The following PDE4B variants were observed in gnomAD, a reference collection of about 807,000 sequenced individuals.
PDE4B encodes phosphodiesterase 4B, also known as 3',5'-cyclic-AMP phosphodiesterase 4B.
PDE4B carries 20 observed loss-of-function variants against 82.2 expected under a neutral mutation model. The observed-to-expected ratio is 0.24, with a 90% CI of 0.17 to 0.35. PDE4B has a LOEUF of 0.35. Among genes scored for constraint, PDE4B ranks in the 10% least tolerant of loss-of-function variants. The pLI, the probability that PDE4B is intolerant of heterozygous loss-of-function variation, is 1.00. For synonymous variants in PDE4B, 320 were observed against 318.9 expected (o/e 1.00, Z -0.04); for missense variants, 655 against 907.2 (o/e 0.72, Z 3.57).
intron 16 of PDE4B, among the ~76,000 whole-genome samples, chr1:66,370,046 G>T (rs1468978540): frequency 1.3e-5 from 2 of 150,158 alleles, no homozygotes; most frequent in African/African-American, 4.9e-5. Flanking sequence ...AGCTACTCGG[G>T]AAGCTGAGAC....
intron 3 of PDE4B, among the ~76,000 whole-genome samples, chr1:66,086,016 T>C (rs1300068955): frequency 6.6e-6 from 1 of 152,120 alleles, no homozygotes; most frequent in African/African-American, 2.4e-5. Context: ...AATAAAATGC[T>C]ACCCAGGCTT....
chr1:65,826,618 T>C (rs1406268151), intron 1 of PDE4B, among the ~76,000 whole-genome samples: 2 of 152,098 alleles, frequency 1.3e-5, no homozygotes, highest in African/African-American at 2.4e-5. Flanking sequence ...TATGGACAAA[T>C]GCCTTAATCT....
chr1:66,145,281 G>A (rs1420210413), intron 3 of PDE4B, among the ~76,000 whole-genome samples: 2 of 152,276 alleles, frequency 1.3e-5, no homozygotes, highest in Non-Finnish European at 2.9e-5. Context: ...GCTCTCCAGT[G>A]CAGGCACCTA....
At chr1:66,257,940 C>A in intron 6 of PDE4B, 77 bp downstream of exon 6, 1 of 951,780 alleles carries the variant, frequency 1.1e-6, no homozygotes, top group Non-Finnish European at 1.7e-6. Flanking sequence ...TAAAAAAATA[C>A]AACTATTACA....
intron 3 of PDE4B, among the ~76,000 whole-genome samples, chr1:66,177,895 A>G (rs1329515261): frequency 6.6e-6 from 1 of 152,038 alleles, no homozygotes; most frequent in Admixed American, 6.6e-5. Flanking sequence ...TGTTTTTTTT[A>G]GTAAAAATCT....
At chr1:66,197,734 T>G (rs1435304492) in intron 3 of PDE4B, among the ~76,000 whole-genome samples, 2 of 152,080 alleles carry the variant, frequency 1.3e-5, no homozygotes, top group African/African-American at 4.8e-5. Context: ...TATTTAAGAC[T>G]TAAGGGTAAG....
chr1:65,981,902 G>C (rs1315086039), intron 3 of PDE4B, among the ~76,000 whole-genome samples: 1 of 152,086 alleles, frequency 6.6e-6, no homozygotes, highest in Admixed American at 6.6e-5. Context: ...AACTAACTCA[G>C]CTGATGCCTT....
At chr1:65,889,574 T>A (rs1004109451) in intron 1 of PDE4B, among the ~76,000 whole-genome samples, 1 of 152,170 alleles carries the variant, frequency 6.6e-6, no homozygotes, top group Non-Finnish European at 1.5e-5. Context: ...ATATGAAGTA[T>A]GTTTGGAATT....
chr1:66,162,948 C>G (rs1488448011), intron 3 of PDE4B, among the ~76,000 whole-genome samples: 2 of 152,116 alleles, frequency 1.3e-5, no homozygotes, highest in Non-Finnish European at 2.9e-5. Context: ...TACTTGAAGG[C>G]AAATAGTTCT....
At chr1:66,007,006 G>T (rs1652189155) in intron 3 of PDE4B, among the ~76,000 whole-genome samples, 1 of 152,094 alleles carries the variant, frequency 6.6e-6, no homozygotes, top group Non-Finnish European at 1.5e-5. Flanking sequence ...AGTGGCAAGT[G>T]CTTGTAGTGC....
intron 3 of PDE4B, among the ~76,000 whole-genome samples, chr1:65,952,697 A>G (rs1649067084): frequency 6.6e-6 from 1 of 152,044 alleles, no homozygotes; most frequent in South Asian, 2.1e-4. Context: ...AAATAAAAAT[A>G]TAAAAATAAA....
intron 3 of PDE4B, among the ~76,000 whole-genome samples, chr1:65,991,486 C>G (rs1372933987): frequency 6.6e-6 from 1 of 152,134 alleles, no homozygotes; most frequent in Non-Finnish European, 1.5e-5. Flanking sequence ...TTTTCTGTCA[C>G]TCTTGCTGAT....
intron 1 of PDE4B, among the ~76,000 whole-genome samples, chr1:65,815,601 A>G (rs1380298995): frequency 6.6e-6 from 1 of 152,218 alleles, no homozygotes; most frequent in African/African-American, 2.4e-5. Context: ...TGATTTGAAA[A>G]TAAAAAAGTT....
At chr1:66,163,824 A>G (rs947581646) in intron 3 of PDE4B, among the ~76,000 whole-genome samples, 2 of 151,160 alleles carry the variant, frequency 1.3e-5, no homozygotes, top group African/African-American at 4.8e-5. Flanking sequence ...CACCCTATAG[A>G]AGATCTTCAC....
At chr1:66,188,840 G>A (rs967873967) in intron 3 of PDE4B, among the ~76,000 whole-genome samples, 4 of 152,242 alleles carry the variant, frequency 2.6e-5, no homozygotes, top group Non-Finnish European at 2.9e-5. Context: ...TTACATTTAA[G>A]GTTAGTATTG....
At chr1:65,856,997 C>A (rs1646400821) in intron 1 of PDE4B, among the ~76,000 whole-genome samples, 1 of 152,118 alleles carries the variant, frequency 6.6e-6, no homozygotes, top group African/African-American at 2.4e-5. Context: ...TTTGATGGTA[C>A]AATTGAAATT....
intron 3 of PDE4B, among the ~76,000 whole-genome samples, chr1:66,206,165 G>C (rs1035643015): frequency 6.6e-6 from 1 of 152,104 alleles, no homozygotes. Context: ...AGGCACTCTC[G>C]GACCTGGATA....
chr1:66,010,349 T>C lies in PDE4B; in HGVS notation c.281+91514T>C, dbSNP rs182628341. Among the ~76,000 whole-genome samples the C allele has an allele frequency of 3.2e-3, 486 of 151,786 alleles. 4 individuals carry two copies. Among genetic ancestry groups the C allele is most frequent in the Middle Eastern group, 6.8e-3 (2 of 292 alleles). Reference sequence around the variant, plus strand: ...AAAATTTAATAAGAGATTATTTTCTTTATAAAGAGAAAGAGGGGCATTTGG... The same window carrying C: ...AAAATTTAATAAGAGATTATTTTCTCTATAAAGAGAAAGAGGGGCATTTGG... On this transcript the variant is annotated intron_variant, in intron 3 of 16. Transcript: ENST00000341517.
intron 3 of PDE4B, among the ~76,000 whole-genome samples, chr1:66,045,031 A>G (rs1352242669): frequency 2.0e-5 from 3 of 151,710 alleles, no homozygotes; most frequent in East Asian, 1.9e-4. Context: ...ACCAGCCACT[A>G]TATGTATCTG....
Sources: gnomAD v4.1 joint callset for allele counts (sites outside exome capture counted in the v4.1 genomes callset) on GRCh38, gnomAD v4.1.1 for gene constraint, MANE v1.5 for transcripts, NCBI Gene and HGNC (gene_info 2026-07-23, HGNC 2026-07-21) for gene names.